The following SLC5A4 variants were observed in gnomAD, a reference collection of about 807,000 sequenced individuals.
The protein encoded by SLC5A4 is probable glucose sensor protein SLC5A4.
A neutral mutation model predicts 70.3 loss-of-function variants in SLC5A4; 55 were observed. That is an observed-to-expected ratio of 0.78 (90% CI 0.63 to 0.98). SLC5A4 has a LOEUF of 0.98. Ranked by LOEUF, SLC5A4 falls within the 50% of genes least tolerant of loss-of-function variation. The pLI is 0.00. For missense variants in SLC5A4, 735 were observed against 839.2 expected (o/e 0.88, Z 1.53); for synonymous variants, 268 against 305.7 (o/e 0.88, Z 1.29).
intron 10 of SLC5A4, among the ~76,000 whole-genome samples, chr22:32,230,249 G>C (rs1159142342): frequency 6.6e-6 from 1 of 152,172 alleles, no homozygotes; most frequent in African/African-American, 2.4e-5. Context: ...GTGGAGGAAG[G>C]TGGAAGAAAT....
chr22:32,331,299 T>C, the SLC5A4 span, among the ~76,000 whole-genome samples: 2 of 151,898 alleles, frequency 1.3e-5, no homozygotes, highest in South Asian at 2.1e-4. Context: ...TGTTTGACTT[T>C]GGACACGTGC....
the SLC5A4 span, among the ~76,000 whole-genome samples, chr22:32,320,145 A>C: frequency 3.3e-5 from 5 of 152,220 alleles, no homozygotes; most frequent in Non-Finnish European, 5.9e-5. Context: ...AGCCATAATG[A>C]GAGAGGATTT....
chr22:32,290,401 T>C, the SLC5A4 span, among the ~76,000 whole-genome samples: 1 of 152,236 alleles, frequency 6.6e-6, no homozygotes, highest in South Asian at 2.1e-4. Context: ...GCTTCATCCT[T>C]GTCCCTGGGG....
intron 10 of SLC5A4, among the ~76,000 whole-genome samples, chr22:32,229,669 G>A (rs1465035416): frequency 6.6e-6 from 1 of 152,102 alleles, no homozygotes; most frequent in Non-Finnish European, 1.5e-5. Context: ...GACTAGGGGT[G>A]GCAGCGGGGA....
At chr22:32,248,875 C>T (rs1254252174) in intron 3 of SLC5A4, 73 bp from the exon 4 acceptor site, 21 of 992,498 alleles carry the variant, frequency 2.1e-5, no homozygotes, top group Non-Finnish European at 2.3e-5. Context: ...CTTCTATGAC[C>T]TCTGAGTCTG....
chr22:32,248,692 G>A (rs1224069767), intron 4 of SLC5A4, 51 bp downstream of exon 4: 2 of 1,214,200 alleles, frequency 1.6e-6, no homozygotes, highest in East Asian at 2.3e-5. Context: ...TCTGTGCAGT[G>A]AGCAGCAGTG....
At chr22:32,318,807 A>G in the SLC5A4 span, among the ~76,000 whole-genome samples, 1 of 151,604 alleles carries the variant, frequency 6.6e-6, no homozygotes, top group Non-Finnish European at 1.5e-5. Flanking sequence ...AGCCCTTCCC[A>G]CCCCATCACC....
intron 11 of SLC5A4, 82 bp from the exon 12 acceptor site, chr22:32,225,905 CTTG>C (rs763654578): frequency 4.3e-6 from 4 of 921,246 alleles, no homozygotes; most frequent in Non-Finnish European, 6.4e-6. Flanking sequence ...AGCGTTCATT[CTTG>C]TTGTCACTCA....
At chr22:32,348,166 G>GT in the SLC5A4 span, among the ~76,000 whole-genome samples, 3 of 152,120 alleles carry the variant, frequency 2.0e-5, no homozygotes, top group African/African-American at 4.8e-5. Flanking sequence ...GAGGTGTCCC[G>GT]TTTTTTCCAG....
rs764615586 is a variant in SLC5A4 at position 32,231,077 on chromosome 22, T to C, written c.1022-2A>G. On this transcript the variant is annotated splice_acceptor_variant, in intron 9 of 14. Transcript: ENST00000266086. LOFTEE classifies it high-confidence loss of function. ...AAGGTACCACACATGCTACCATATCTGGGGAAGAATTCAGAAGTGAGTCCA... is the reference window on the plus strand; with the variant it reads ...AAGGTACCACACATGCTACCATATCCGGGGAAGAATTCAGAAGTGAGTCCA... 1 of 1,602,096 alleles carries C rather than the reference T, an allele frequency of 6.2e-7. No homozygotes were observed. Among genetic ancestry groups the C allele is most frequent in the East Asian group, 2.2e-5 (1 of 44,828 alleles).
the SLC5A4 span, chr22:32,354,971 A>C: frequency 2.6e-5 from 4 of 151,962 alleles, no homozygotes; most frequent in Non-Finnish European, 5.9e-5. Flanking sequence ...AAGCTTCCAG[A>C]CTCCAGTGTG....
At chr22:32,294,172 A>G in the SLC5A4 span, among the ~76,000 whole-genome samples, 1 of 152,174 alleles carries the variant, frequency 6.6e-6, no homozygotes, top group South Asian at 2.1e-4. Context: ...TCCCTTTCAC[A>G]TTGCCTACTG....
the SLC5A4 span, among the ~76,000 whole-genome samples, chr22:32,292,169 A>G: frequency 5.6e-5 from 3 of 53,226 alleles, no homozygotes; most frequent in African/African-American, 2.1e-4. Flanking sequence ...TATATAATAT[A>G]TACTAGATAT....
rs749298344 is a variant in SLC5A4, at chr22:32,231,043, C to T, written c.1054G>A (p.Val352Met). The T allele has an allele frequency of 3.8e-5, 62 of 1,613,800 alleles. No individual in the cohort carries two copies. Among genetic ancestry groups the T allele is most frequent in the Non-Finnish European group, 4.6e-5 (54 of 1,179,834 alleles). ...CCAACATCAACGCCACAGTGTTTCA[C>T]GCATTCAGAAGGTACCACACATGCT... is the stretch of plus-strand genomic sequence containing the variant. ...MVACVVPSECVKHCGVDVGCT... is the reference protein window; with the variant it reads ...MVACVVPSECMKHCGVDVGCT... The change falls in exon 10 of 15, where the codon GTG becomes ATG. Residue 352 changes from valine (V) to methionine (M), a missense_variant. Val to Met is a conservative substitution (Grantham distance 21). Transcript: ENST00000266086.
chr22:32,338,583 T>G, the SLC5A4 span, among the ~76,000 whole-genome samples: 1 of 152,130 alleles, frequency 6.6e-6, no homozygotes, highest in Non-Finnish European at 1.5e-5. Context: ...GAGAATCACT[T>G]GAACCTGGGA....
chr22:32,330,772 T>TG, the SLC5A4 span, among the ~76,000 whole-genome samples: 3 of 25,634 alleles, frequency 1.2e-4, no homozygotes, highest in Non-Finnish European at 2.2e-4. Context: ...GTGTATGTGT[T>TG]GGGGGCTCTG....
chr22:32,259,114 G>A (rs1282857405), upstream of SLC5A4, among the ~76,000 whole-genome samples: 1 of 152,190 alleles, frequency 6.6e-6, no homozygotes, highest in Non-Finnish European at 1.5e-5. Context: ...GAAAGTTCCA[G>A]TTAAACAAGA....
the SLC5A4 span, among the ~76,000 whole-genome samples, chr22:32,305,783 T>C: frequency 0.47 from 70,885 of 149,370 alleles, 16,898 homozygotes; most frequent in Admixed American, 0.5. Context: ...GCACATGGCA[T>C]GTCACACCAG....
chr22:32,218,625 C>G lies in SLC5A4; in HGVS notation c.1869G>C (p.Leu623Phe), dbSNP rs777967094. The change falls in exon 15 of 15, where the codon TTG (leucine) becomes TTC (phenylalanine). Residue 623 changes from leucine to phenylalanine, a missense_variant. Physicochemically the swap from Leu to Phe is conservative, Grantham distance 22. Transcript: ENST00000266086. ...CAGACGTGTCTGTGAGCTTCTTGCT[C>G]AAGGCTTCCTCCTCCTCCTTGGTTA... ...PKLTKEEEEALSKKLTDTSER... is the reference protein window; with the variant it reads ...PKLTKEEEEAFSKKLTDTSER... 7 of 1,613,814 alleles carry G rather than the reference C, an allele frequency of 4.3e-6. No homozygotes were observed. The highest frequency in any genetic ancestry group is 1.3e-5 in the African/African-American group (1 of 74,836).
Sources: gnomAD v4.1 joint callset for allele counts (sites outside exome capture counted in the v4.1 genomes callset) on GRCh38, gnomAD v4.1.1 for gene constraint, MANE v1.5 for transcripts, NCBI Gene and HGNC (gene_info 2026-07-23, HGNC 2026-07-21) for gene names.